The following HIPK3 variants were observed in gnomAD, a reference collection of about 807,000 sequenced individuals.
The protein encoded by HIPK3 is homeodomain interacting protein kinase 3.
Under a neutral mutation model 124.2 loss-of-function variants are expected in HIPK3, and 47 were observed. The ratio of observed to expected loss-of-function variants is 0.38; its 90% CI spans 0.30 to 0.48. HIPK3 has a LOEUF of 0.48. Ranked by LOEUF, HIPK3 falls within the 20% of genes least tolerant of loss-of-function variation. The pLI is 0.98. For synonymous variants in HIPK3, 482 were observed against 515.2 expected (o/e 0.94, Z 0.87); for missense variants, 1,286 against 1,454.3 (o/e 0.88, Z 1.88).
intron 1 of HIPK3, among the ~76,000 whole-genome samples, chr11:33,277,541 C>A (rs1013608362): frequency 6.6e-6 from 1 of 152,176 alleles, no homozygotes; most frequent in Non-Finnish European, 1.5e-5. Context: ...ACTTGTACTG[C>A]ATGCTTTGTA....
chr11:33,338,872 T>C, intron 5 of HIPK3, 29 bp downstream of exon 5: 3 of 1,497,970 alleles, frequency 2.0e-6, no homozygotes, highest in Non-Finnish European at 2.8e-6. Flanking sequence ...TTTGTTCATC[T>C]TACATGCTTA....
intron 2 of HIPK3, among the ~76,000 whole-genome samples, chr11:33,291,452 A>C (rs1353594493): frequency 6.6e-6 from 1 of 152,222 alleles, no homozygotes; most frequent in Non-Finnish European, 1.5e-5. Flanking sequence ...GCAACACAGA[A>C]GTGTAGTAGG....
chr11:33,299,602 GT>G (rs1473412030), intron 2 of HIPK3, among the ~76,000 whole-genome samples: 2 of 152,210 alleles, frequency 1.3e-5, no homozygotes, highest in Admixed American at 1.3e-4. Flanking sequence ...CAGCAGCAAG[GT>G]TTGAGAGGAT....
At chr11:33,330,866 A>T (rs114554106) in intron 3 of HIPK3, among the ~76,000 whole-genome samples, 1 of 148,520 alleles carries the variant, frequency 6.7e-6, no homozygotes, top group Non-Finnish European at 1.5e-5. Flanking sequence ...AAATGTTCAC[A>T]TATGTTTTTC....
intron 1 of HIPK3, among the ~76,000 whole-genome samples, chr11:33,279,044 G>T (rs1432094288): frequency 2.0e-5 from 3 of 152,082 alleles, no homozygotes. Context: ...GTCAGGCCTG[G>T]TGGCTCATGC....
intron 2 of HIPK3, among the ~76,000 whole-genome samples, chr11:33,308,384 A>G (rs1187240732): frequency 2.0e-5 from 3 of 152,114 alleles, no homozygotes; most frequent in African/African-American, 7.2e-5. Context: ...TAAACTGTAA[A>G]TTTCTGCAAA....
chr11:33,308,645 AT>A (rs1203857657), intron 2 of HIPK3, among the ~76,000 whole-genome samples: 1 of 141,024 alleles, frequency 7.1e-6, no homozygotes, highest in Non-Finnish European at 1.5e-5. Flanking sequence ...TGTGTGTGAG[AT>A]TCTGCTTGGG....
intron 8 of HIPK3, among the ~76,000 whole-genome samples, chr11:33,343,784 A>C (rs1239675537): frequency 6.6e-6 from 1 of 152,168 alleles, no homozygotes; most frequent in Non-Finnish European, 1.5e-5. Context: ...TGGATTTTCA[A>C]GTAATGTATC....
chr11:33,311,387 C>T (rs1225360929), intron 2 of HIPK3, among the ~76,000 whole-genome samples: 1 of 152,142 alleles, frequency 6.6e-6, no homozygotes, highest in East Asian at 1.9e-4. Context: ...AGTCTTGCAG[C>T]CCAGACTGGT....
At chr11:33,272,415 T>A (rs890493540) in intron 1 of HIPK3, among the ~76,000 whole-genome samples, 24 of 150,508 alleles carry the variant, frequency 1.6e-4, no homozygotes, top group Admixed American at 7.9e-4. Flanking sequence ...AAAAAAATAA[T>A]AATAATTCAA....
chr11:33,266,434 A>C (rs1176483439), intron 1 of HIPK3, among the ~76,000 whole-genome samples: 13 of 152,098 alleles, frequency 8.5e-5, no homozygotes. Context: ...AAATATGAAC[A>C]CTTCTGTAAT....
intron 1 of HIPK3, among the ~76,000 whole-genome samples, chr11:33,273,642 A>G (rs1287756936): frequency 6.6e-6 from 1 of 152,106 alleles, no homozygotes; most frequent in African/African-American, 2.4e-5. Flanking sequence ...ATAATTGTAG[A>G]AATTAAAAAA....
At chr11:33,320,374 A>G (rs1852628717) in intron 2 of HIPK3, among the ~76,000 whole-genome samples, 1 of 152,084 alleles carries the variant, frequency 6.6e-6, no homozygotes, top group South Asian at 2.1e-4. Context: ...GTTGGATTAG[A>G]GTGGTAACAG....
chr11:33,338,742 G>A lies in HIPK3; in HGVS notation c.1342-15G>A. The A allele has an allele frequency of 6.5e-7, 1 of 1,531,632 alleles. No individual in the cohort carries two copies. Among genetic ancestry groups the A allele is most frequent in the Non-Finnish European group, 9.0e-7 (1 of 1,111,584 alleles). The allele number at this position is 1,531,632 out of a possible 1,614,324, so 94.9% of individuals were successfully genotyped here. On this transcript the variant is annotated splice_polypyrimidine_tract_variant and intron_variant, in intron 4 of 16. Transcript: ENST00000303296. ...TAATAATGTATTCTTTTTTCCCTTT[G>A]ATATATGCAATAAGACATTGGAAGA...
At position 33,257,433 on chromosome 11, in the gene HIPK3, C is replaced by A. The variant is rs1181290358; in HGVS notation, c.-459C>A. The A allele has an allele frequency of 2.0e-6, 2 of 985,134 alleles. No individual in the cohort carries two copies. The highest frequency in any genetic ancestry group is 1.7e-5 in the African/African-American group (1 of 57,222). The allele number at this position is 985,134 out of a possible 1,614,324, so 61.0% of individuals were successfully genotyped here. On this transcript the variant is annotated 5_prime_UTR_variant, in exon 1 of 17. Transcript: ENST00000303296. ...CGGCATCGCGGCGACCTGAGGAGATCAAGCCGCAGGCCCCGCCGTCGCCAC... is the reference window on the plus strand; with the variant it reads ...CGGCATCGCGGCGACCTGAGGAGATAAAGCCGCAGGCCCCGCCGTCGCCAC...
chr11:33,283,927 G>C (rs1339707163), intron 1 of HIPK3, among the ~76,000 whole-genome samples: 1 of 151,998 alleles, frequency 6.6e-6, no homozygotes, highest in Non-Finnish European at 1.5e-5. Context: ...TGCCCGCCTC[G>C]GCCTCCCAAA....
chr11:33,353,318 T>C lies in HIPK3; in HGVS notation c.3398T>C (p.Val1133Ala), dbSNP rs1853724658. ...GCCACCCTCAGTAGTGCTGCACCAGTGGCCCACCTGTTAGCCTCTCCGTGT... is the reference window on the plus strand; with the variant it reads ...GCCACCCTCAGTAGTGCTGCACCAGCGGCCCACCTGTTAGCCTCTCCGTGT... ...SSATLSSAAP[V>A]AHLLASPCTS... Residue 1133 changes from valine (V) to alanine (A), a missense_variant, in exon 17 of 17, where the codon GTG (valine) becomes GCG (alanine). Around this residue, in one of 3 missense-constraint regions of HIPK3, gnomAD observed 810 missense variants for 864.9 expected, o/e 0.94. Transcript: ENST00000303296. The C allele has an allele frequency of 6.2e-7, 1 of 1,614,184 alleles. No individual in the cohort carries two copies. Among genetic ancestry groups the C allele is most frequent in the Non-Finnish European group, 8.5e-7 (1 of 1,180,022 alleles).
intron 2 of HIPK3, among the ~76,000 whole-genome samples, chr11:33,290,640 CTTTTTT>C: frequency 7.1e-6 from 1 of 141,844 alleles, no homozygotes; most frequent in African/African-American, 2.6e-5. Flanking sequence ...AAAAAAAAGT[CTTTTTT>C]TTTTTTAATA....
chr11:33,296,960 A>C (rs957458212), intron 2 of HIPK3, among the ~76,000 whole-genome samples: 1 of 152,244 alleles, frequency 6.6e-6, no homozygotes, highest in African/African-American at 2.4e-5. Context: ...GCAGGCTGAA[A>C]GCTAGGCCTA....
Sources: gnomAD v4.1 joint callset for allele counts (sites outside exome capture counted in the v4.1 genomes callset) on GRCh38, gnomAD v4.1.1 for gene constraint, gnomAD v4.1.1 regional missense constraint, MANE v1.5 for transcripts, NCBI Gene and HGNC (gene_info 2026-07-23, HGNC 2026-07-21) for gene names.